The following PLEKHA5 variants were observed in gnomAD, a reference collection of about 807,000 sequenced individuals.
PLEKHA5 encodes the protein pleckstrin homology domain-containing family A member 5.
PLEKHA5 carries 55 observed loss-of-function variants against 181.9 expected under a neutral mutation model. That is an observed-to-expected ratio of 0.30 (90% confidence interval 0.24 to 0.38). The LOEUF (loss-of-function observed/expected upper bound fraction) is 0.38. Among genes scored for constraint, PLEKHA5 ranks in the 10% least tolerant of loss-of-function variants. The probability of loss-of-function intolerance (pLI) is 1.00; values close to 1 mark genes in which losing one functional copy is unlikely to be tolerated. For missense variants in PLEKHA5, 1,432 were observed against 1,549.5 expected (o/e 0.92, Z 1.27); for synonymous variants, 535 against 529.4 (o/e 1.01, Z -0.15).
chr12:19,134,177 G>C (rs1013633980), intron 3 of PLEKHA5, among the ~76,000 whole-genome samples: 3 of 151,982 alleles, frequency 2.0e-5, no homozygotes, highest in African/African-American at 7.2e-5. Context: ...GGAAGACATT[G>C]AGTGAGTTTC....
At chr12:19,315,031 C>T in intron 16 of PLEKHA5, 137 bp downstream of exon 16, 2 of 628,580 alleles carry the variant, frequency 3.2e-6, no homozygotes, top group South Asian at 3.6e-5. Flanking sequence ...ATTTGGAAAA[C>T]CACAATTCAT....
At chr12:19,238,544 A>G (rs1592162257) in intron 3 of PLEKHA5, among the ~76,000 whole-genome samples, 1 of 152,166 alleles carries the variant, frequency 6.6e-6, no homozygotes, top group East Asian at 1.9e-4. Flanking sequence ...ATTTAACTAT[A>G]CAGAGGAATA....
At chr12:19,369,916 C>T in intron 31 of PLEKHA5, 118 bp downstream of exon 31, 2 of 467,496 alleles carry the variant, frequency 4.3e-6, no homozygotes, top group Non-Finnish European at 7.5e-6. Context: ...GGATAGTTGG[C>T]AGAACAAGTA....
intron 10 of PLEKHA5, 56 bp downstream of exon 10, chr12:19,270,261 T>G (rs1188011092): frequency 1.0e-6 from 1 of 974,910 alleles, no homozygotes; most frequent in African/African-American, 1.7e-5. Context: ...TCCTTTGAGA[T>G]AGTGTTTTTA....
rs1294212642 is a variant in PLEKHA5, at chr12:19,322,510, C to G, written c.2299-8C>G. 6.2e-7 allele frequency: 1 copy of G among 1,613,100 alleles called. No individual in the cohort carries two copies. The highest frequency in any genetic ancestry group is 1.7e-5 in the Admixed American group (1 of 59,974). On this transcript the variant is annotated splice_region_variant and splice_polypyrimidine_tract_variant and intron_variant, in intron 19 of 31. Transcript: ENST00000429027. Reference sequence around the variant, plus strand: ...GAACATTAAGTGTAATTCTTTTTATCATAATAGTACACGCTTGAGCAAGCT... The same window carrying G: ...GAACATTAAGTGTAATTCTTTTTATGATAATAGTACACGCTTGAGCAAGCT...
rs2095696025 is a variant in PLEKHA5 at position 19,375,533 on chromosome 12, A to T, written c.*14A>T. On this transcript the variant is annotated splice_region_variant and 3_prime_UTR_variant, in exon 32 of 32. Transcript: ENST00000429027. ...ATTTCCTCTCTCTTATTTTTCAGCT[A>T]TACTGACTTCTGTTGAAACCATTCA... 1 of 152,602 alleles carries T rather than the reference A, an allele frequency of 6.6e-6. No homozygotes were observed. Among genetic ancestry groups the T allele is most frequent in the African/African-American group, 2.4e-5 (1 of 41,458 alleles). 9.5% of individuals were successfully genotyped at this position (152,602 alleles called of 1,614,324 possible). A position where few individuals can be genotyped will look rare whatever the true frequency, so the allele number is the denominator to read the frequency against.
At chr12:19,143,809 TAGA>T in intron 3 of PLEKHA5, among the ~76,000 whole-genome samples, 1 of 152,168 alleles carries the variant, frequency 6.6e-6, no homozygotes, top group African/African-American at 2.4e-5. Flanking sequence ...ATTTATTCAG[TAGA>T]AGGTTTTTAA....
intron 12 of PLEKHA5, among the ~76,000 whole-genome samples, chr12:19,286,385 A>G (rs1318007757): frequency 6.6e-6 from 1 of 152,198 alleles, no homozygotes; most frequent in Non-Finnish European, 1.5e-5. Context: ...TTTTTGAGCT[A>G]TAGCGCAGTG....
At chr12:19,239,463 A>G (rs370621361) in intron 3 of PLEKHA5, among the ~76,000 whole-genome samples, 2 of 152,274 alleles carry the variant, frequency 1.3e-5, no homozygotes, top group South Asian at 2.1e-4. Context: ...CTCATCTGCA[A>G]GTGAGAAATT....
intron 25 of PLEKHA5, among the ~76,000 whole-genome samples, chr12:19,349,255 A>G (rs962094918): frequency 2.6e-5 from 4 of 152,002 alleles, no homozygotes; most frequent in Admixed American, 1.3e-4. Context: ...AGCTGGGACT[A>G]CAGGCACACA....
chr12:19,162,126 AC>A lies in PLEKHA5; in HGVS notation c.227+29679del, dbSNP rs1179272028. On this transcript the variant is annotated intron_variant, in intron 3 of 31. Transcript: ENST00000429027. ...GAAAATAAAGGAAAATTTATTTTCTACCCAACTTAGTGGGTTTTCTGAATTC... is the reference window on the plus strand; with the variant it reads ...GAAAATAAAGGAAAATTTATTTTCTACCAACTTAGTGGGTTTTCTGAATTC... Among the ~76,000 whole-genome samples, 45 of 152,144 alleles carry A rather than the reference AC, an allele frequency of 3.0e-4. 1 individual carries two copies. The highest frequency in any genetic ancestry group is 1.3e-4 in the Non-Finnish European group (9 of 68,000).
At chr12:19,151,131 T>C (rs1014542919) in intron 3 of PLEKHA5, 2 of 152,200 alleles carry the variant, frequency 1.3e-5, no homozygotes, top group Non-Finnish European at 2.9e-5. Context: ...CTTGGGGGAA[T>C]GGGGAATAAA....
At chr12:19,220,395 A>T (rs1266635610) in intron 3 of PLEKHA5, among the ~76,000 whole-genome samples, 1 of 152,130 alleles carries the variant, frequency 6.6e-6, no homozygotes. Context: ...AGTCTGCGTC[A>T]TTAAGTTTGA....
At chr12:19,131,452 A>G (rs561409475) in intron 2 of PLEKHA5, among the ~76,000 whole-genome samples, 3 of 152,212 alleles carry the variant, frequency 2.0e-5, no homozygotes, top group Non-Finnish European at 4.4e-5. Flanking sequence ...TTTTGCTTCA[A>G]TATACCTTTC....
At chr12:19,330,422 G>A (rs1156650625) in intron 20 of PLEKHA5, among the ~76,000 whole-genome samples, 1 of 151,892 alleles carries the variant, frequency 6.6e-6, no homozygotes, top group Admixed American at 6.6e-5. Context: ...TTCAAGTCGA[G>A]GCTAAGTGAA....
At chr12:19,353,631 G>A (rs972031257) in intron 25 of PLEKHA5, among the ~76,000 whole-genome samples, 1 of 151,574 alleles carries the variant, frequency 6.6e-6, no homozygotes, top group Non-Finnish European at 1.5e-5. Flanking sequence ...ATCTAATTTT[G>A]TATTTTTAGT....
intron 14 of PLEKHA5, among the ~76,000 whole-genome samples, 165 bp from the exon 15 acceptor site, chr12:19,291,474 TTAATA>T (rs1364438230): frequency 6.6e-6 from 1 of 152,244 alleles, no homozygotes; most frequent in African/African-American, 2.4e-5. Context: ...ATTTTGTAAT[TTAATA>T]TGTCAGCGGT....
chr12:19,270,828 G>T (rs1251834050), intron 10 of PLEKHA5, among the ~76,000 whole-genome samples: 1 of 151,900 alleles, frequency 6.6e-6, no homozygotes, highest in African/African-American at 2.4e-5. Flanking sequence ...CTCTTCTCAG[G>T]AAATTAGGGA....
chr12:19,211,326 A>G (rs182068080), intron 3 of PLEKHA5, among the ~76,000 whole-genome samples: 2 of 152,082 alleles, frequency 1.3e-5, no homozygotes, highest in Non-Finnish European at 2.9e-5. Context: ...TAAATTAAGG[A>G]CTTTGAGATG....
Sources: allele counts gnomAD v4.1 joint callset (sites outside exome capture counted in the v4.1 genomes callset), GRCh38; gene constraint gnomAD v4.1.1; transcripts MANE v1.5; gene names NCBI Gene and HGNC (gene_info 2026-07-23, HGNC 2026-07-21).